ENPEP: variants seen among roughly 807,000 people sequenced by gnomAD.
ENPEP encodes glutamyl aminopeptidase, also known as AP-A.
A neutral mutation model predicts 114.5 loss-of-function variants in ENPEP; 103 were observed. The ratio of observed to expected loss-of-function variants is 0.90; its 90% confidence interval spans 0.77 to 1.06. ENPEP has a LOEUF of 1.06. Ranked by LOEUF, ENPEP falls within the 50% of genes least tolerant of loss-of-function variation. The pLI is 0.00. For missense variants in ENPEP, 1,196 were observed against 1,161.3 expected (o/e 1.03, Z -0.43); for synonymous variants, 420 against 422.0 (o/e 1.00, Z 0.06).
At chr4:110,532,673 A>G (rs1726453094) in intron 11 of ENPEP, among the ~76,000 whole-genome samples, 1 of 152,070 alleles carries the variant, frequency 6.6e-6, no homozygotes, top group African/African-American at 2.4e-5. Flanking sequence ...TACTATTACT[A>G]CAAACTACCA....
chr4:110,535,143 T>C (rs900640662), intron 11 of ENPEP, among the ~76,000 whole-genome samples: 1 of 152,180 alleles, frequency 6.6e-6, no homozygotes, highest in Non-Finnish European at 1.5e-5. Flanking sequence ...AGGTAACCAA[T>C]CTTGCTAAAA....
At chr4:110,498,471 A>C (rs1038016224) in intron 3 of ENPEP, among the ~76,000 whole-genome samples, 7 of 152,254 alleles carry the variant, frequency 4.6e-5, no homozygotes, top group African/African-American at 1.7e-4. Context: ...ATATATATAT[A>C]ATAAATAATA....
At chr4:110,558,793 T>G (rs928324266) in intron 18 of ENPEP, among the ~76,000 whole-genome samples, 1 of 152,200 alleles carries the variant, frequency 6.6e-6, no homozygotes, top group Admixed American at 6.5e-5. Context: ...TTGCTTTTTA[T>G]GAAAGAAAAT....
At chr4:110,501,438 C>T (rs1207672409) in intron 3 of ENPEP, among the ~76,000 whole-genome samples, 1 of 152,154 alleles carries the variant, frequency 6.6e-6, no homozygotes, top group African/African-American at 2.4e-5. Flanking sequence ...CCTCCTCCCT[C>T]TCTACTTTCA....
chr4:110,516,007 C>G (rs1286574490), intron 8 of ENPEP: 1 of 287,440 alleles, frequency 3.5e-6, no homozygotes, highest in Non-Finnish European at 7.1e-6. Context: ...GGCTTCGTTT[C>G]TAAATACTAT....
rs769886427 is a variant in ENPEP at position 110,549,858 on chromosome 4, T to A, written c.2473T>A (p.Ser825Thr). 6.2e-7 allele frequency: 1 copy of A among 1,612,504 alleles called. No individual in the cohort carries two copies. The highest frequency in any genetic ancestry group is 8.5e-7 in the Non-Finnish European group (1 of 1,179,270). ...AGAAAAACTGCTGTATGGATTAGCA[T>A]CAGTGAAGAACGTTACTCTTTTGTC... is the stretch of plus-strand genomic sequence containing the variant. ...EKEKLLYGLASVKNVTLLSRY... is the reference protein window; with the variant it reads ...EKEKLLYGLATVKNVTLLSRY... Residue 825 changes from serine to threonine, a missense_variant, in exon 17 of 20, where the codon TCA becomes ACA. Coordinates refer to ENST00000265162, the MANE Select transcript of ENPEP (RefSeq NM_001977.4).
At chr4:110,508,125 C>T (rs1446282236) in intron 4 of ENPEP, among the ~76,000 whole-genome samples, 1 of 152,088 alleles carries the variant, frequency 6.6e-6, no homozygotes, top group African/African-American at 2.4e-5. Context: ...TCCCTCTCCC[C>T]AACTCCTTTA....
chr4:110,484,770 T>TTATATA (rs34624302), intron 1 of ENPEP, among the ~76,000 whole-genome samples: 1,620 of 142,652 alleles, frequency 0.011, 15 homozygotes, highest in Non-Finnish European at 0.019. Flanking sequence ...ATATATTATA[T>TTATATA]TATATATATA....
intron 4 of ENPEP, among the ~76,000 whole-genome samples, chr4:110,509,329 C>T (rs941859523): frequency 2.0e-5 from 3 of 152,144 alleles, no homozygotes; most frequent in South Asian, 2.1e-4. Flanking sequence ...TTTTTCCTCA[C>T]GGCTTATCCC....
Position 110,549,613 on chromosome 4 carries a change from T to C in ENPEP, c.2311T>C (p.Trp771Arg). 1 of 1,613,596 alleles carries C rather than the reference T, an allele frequency of 6.2e-7. No individual in the cohort carries two copies. Among genetic ancestry groups the C allele is most frequent in the Non-Finnish European group, 8.5e-7 (1 of 1,179,656 alleles). ...CAATGCTTCCTCGTTATTTGAGCAG[T>C]GGCTAAATGGGACTGTAAGGTGATT... The part of the protein sequence containing the change: ...LNNASSLFEQ[W>R]LNGTVSLPVN... Residue 771 changes from tryptophan (W) to arginine (R), a missense_variant, in exon 16 of 20, where the codon TGG becomes CGG. Trp to Arg is a moderately radical substitution (Grantham distance 101). Coordinates refer to ENST00000265162, the MANE Select transcript of ENPEP (RefSeq NM_001977.4).
chr4:110,523,142 G>A (rs139879751), intron 10 of ENPEP, among the ~76,000 whole-genome samples: 2 of 152,182 alleles, frequency 1.3e-5, no homozygotes, highest in African/African-American at 4.8e-5. Flanking sequence ...AAAACTTGAG[G>A]ATTTGGTGAA....
At chr4:110,515,726 G>A (rs780109995) in intron 8 of ENPEP, 22 of 521,242 alleles carry the variant, frequency 4.2e-5, no homozygotes, top group Middle Eastern at 4.7e-4. Flanking sequence ...CTGCCATAAG[G>A]AAATACCATA....
intron 10 of ENPEP, among the ~76,000 whole-genome samples, chr4:110,525,822 T>C (rs905801460): frequency 3.3e-5 from 5 of 152,202 alleles, no homozygotes; most frequent in African/African-American, 9.6e-5. Context: ...TATTCTCTCT[T>C]ACTATATGAG....
Position 110,520,329 on chromosome 4 carries a change from C to T in ENPEP, c.1690C>T (p.Pro564Ser). The T allele has an allele frequency of 6.2e-7, 1 of 1,613,876 alleles. No individual in the cohort carries two copies. Among genetic ancestry groups the T allele is most frequent in the Non-Finnish European group, 8.5e-7 (1 of 1,179,938 alleles). The change falls in exon 10 of 20, where the codon CCA becomes TCA. Residue 564 changes from proline (P) to serine (S), a missense_variant. Transcript: ENST00000265162. ...NITQKRFLLD[P>S]RANPSQPPSD... is the part of the protein sequence containing the mutation. Reference sequence around the variant, plus strand: ...CACACAGAAACGCTTTTTGTTGGACCCAAGAGCTAACCCTTCTCAGCCCCC... The same window carrying T: ...CACACAGAAACGCTTTTTGTTGGACTCAAGAGCTAACCCTTCTCAGCCCCC...
At position 110,476,709 on chromosome 4, in the gene ENPEP, C is replaced by G. The variant is rs1447104554; in HGVS notation, c.295C>G (p.Pro99Ala). ...CTTTCGACTGCCGGACTTCGTCAAC[C>G]CAGTCCACTACGACCTGCACGTGAA... ...KNFRLPDFVN[P>A]VHYDLHVKPL... The change falls in exon 1 of 20, where the codon CCA becomes GCA. Residue 99 changes from proline (P) to alanine (A), a missense_variant. Pro to Ala is a conservative substitution (Grantham distance 27). Coordinates refer to ENST00000265162, the MANE Select transcript of ENPEP (RefSeq NM_001977.4). 1.2e-6 allele frequency: 2 copies of G among 1,613,930 alleles called. No homozygotes were observed. Among genetic ancestry groups the G allele is most frequent in the Admixed American group, 3.3e-5 (2 of 60,028 alleles).
chr4:110,501,404 G>A (rs545417259), intron 3 of ENPEP, among the ~76,000 whole-genome samples: 30 of 152,198 alleles, frequency 2.0e-4, no homozygotes, highest in Non-Finnish European at 3.7e-4. Context: ...CATAGTGCCC[G>A]ATAGGTGGTT....
At chr4:110,549,194 A>C in intron 14 of ENPEP, 152 bp from the exon 15 acceptor site, 1 of 655,300 alleles carries the variant, frequency 1.5e-6, no homozygotes, top group Non-Finnish European at 2.6e-6. Flanking sequence ...CAATGTGATA[A>C]AAATTAAATA....
chr4:110,510,193 C>T (rs1291809461), intron 5 of ENPEP, 52 bp from the exon 6 acceptor site: 2 of 1,471,758 alleles, frequency 1.4e-6, no homozygotes, highest in Admixed American at 1.7e-5. Context: ...TTCTAGGCCT[C>T]TCTACCATAC....
At chr4:110,542,697 G>T in intron 11 of ENPEP, 54 bp from the exon 12 acceptor site, 1 of 1,515,824 alleles carries the variant, frequency 6.6e-7, no homozygotes, top group Non-Finnish European at 8.9e-7. Flanking sequence ...TAATTTCTCT[G>T]TGTTGACAGT....
Sources: gnomAD v4.1 joint callset for allele counts (sites outside exome capture counted in the v4.1 genomes callset) on GRCh38, gnomAD v4.1.1 for gene constraint, MANE v1.5 for transcripts, NCBI Gene and HGNC (gene_info 2026-07-23, HGNC 2026-07-21) for gene names.